SLC24A3: variants seen among roughly 807,000 people sequenced by gnomAD.
The protein encoded by SLC24A3 is sodium/potassium/calcium exchanger 3.
Under a neutral mutation model 75.8 loss-of-function variants are expected in SLC24A3, and 28 were observed. That is an observed-to-expected ratio of 0.37 (90% CI 0.27 to 0.51). SLC24A3 has a LOEUF of 0.51. Ranked by LOEUF, SLC24A3 falls within the 20% of genes least tolerant of loss-of-function variation. The pLI is 0.94. For missense variants in SLC24A3, 663 were observed against 847.8 expected, an observed-to-expected ratio of 0.78 and a Z score of 2.71; for synonymous variants, 372 against 334.1, an observed-to-expected ratio of 1.11 and a Z score of -1.24.
intron 2 of SLC24A3, among the ~76,000 whole-genome samples, chr20:19,325,795 T>TATATATATAGAGAGAGAG (rs1251419875): frequency 3.0e-5 from 2 of 67,796 alleles, no homozygotes; most frequent in East Asian, 6.3e-4. Flanking sequence ...TATATATATA[T>TATATATATAGAGAGAGAG]AGAGAGAGAG....
intron 2 of SLC24A3, among the ~76,000 whole-genome samples, chr20:19,443,606 T>C (rs944385068): frequency 1.2e-4 from 19 of 152,214 alleles, no homozygotes; most frequent in African/African-American, 4.1e-4. Context: ...TAGACAATTC[T>C]GAAACCTGTA....
At chr20:19,551,569 A>G (rs1028736936) in intron 3 of SLC24A3, among the ~76,000 whole-genome samples, 8 of 152,310 alleles carry the variant, frequency 5.3e-5, no homozygotes, top group Middle Eastern at 6.8e-3. Context: ...TGGAGTTGCT[A>G]TAACATGCCA....
chr20:19,562,669 T>A (rs1256560184), intron 3 of SLC24A3, among the ~76,000 whole-genome samples: 1 of 152,146 alleles, frequency 6.6e-6, no homozygotes, highest in African/African-American at 2.4e-5. Context: ...AAACCGAAGG[T>A]CAGAGTTTAA....
intron 6 of SLC24A3, among the ~76,000 whole-genome samples, chr20:19,587,904 C>T (rs2031321507): frequency 6.6e-6 from 1 of 152,132 alleles, no homozygotes; most frequent in South Asian, 2.1e-4. Context: ...GAATACGCAT[C>T]CCTGGGGTTC....
intron 2 of SLC24A3, among the ~76,000 whole-genome samples, chr20:19,339,569 G>T (rs549888115): frequency 3.3e-5 from 5 of 152,320 alleles, no homozygotes; most frequent in Non-Finnish European, 7.4e-5. Context: ...TTAAGTAAAT[G>T]CTGGAGTTGC....
intron 2 of SLC24A3, among the ~76,000 whole-genome samples, chr20:19,460,617 T>C (rs915394847): frequency 5.3e-5 from 8 of 152,130 alleles, no homozygotes; most frequent in Non-Finnish European, 1.2e-4. Flanking sequence ...ACCCAGGCAG[T>C]CCCCTGACTC....
intron 9 of SLC24A3, among the ~76,000 whole-genome samples, chr20:19,676,103 A>C (rs2032520090): frequency 6.6e-6 from 1 of 152,222 alleles, no homozygotes; most frequent in Admixed American, 6.5e-5. Context: ...GAATTCACTA[A>C]GGGCTTCAGA....
chr20:19,507,875 A>C (rs1199443645), intron 2 of SLC24A3, among the ~76,000 whole-genome samples: 1 of 152,192 alleles, frequency 6.6e-6, no homozygotes, highest in East Asian at 1.9e-4. Context: ...GGCCCTCTGC[A>C]TTCAGTCACA....
intron 6 of SLC24A3, among the ~76,000 whole-genome samples, chr20:19,592,394 T>C (rs1176580651): frequency 6.6e-6 from 1 of 152,210 alleles, no homozygotes; most frequent in Non-Finnish European, 1.5e-5. Flanking sequence ...TTTATTTCCA[T>C]AGCCAAATCA....
At chr20:19,518,965 C>T (rs567202351) in intron 3 of SLC24A3, among the ~76,000 whole-genome samples, 2 of 152,246 alleles carry the variant, frequency 1.3e-5, no homozygotes, top group South Asian at 4.1e-4. Context: ...CTGGGACTGC[C>T]TTATCCAGGC....
chr20:19,314,851 C>T (rs1203261233), intron 2 of SLC24A3, among the ~76,000 whole-genome samples: 3 of 152,178 alleles, frequency 2.0e-5, no homozygotes, highest in African/African-American at 4.8e-5. Flanking sequence ...CATGAGTTAC[C>T]GACTGTGGGC....
chr20:19,560,539 G>A (rs1035238525), intron 3 of SLC24A3, among the ~76,000 whole-genome samples: 13 of 152,156 alleles, frequency 8.5e-5, no homozygotes, highest in African/African-American at 2.9e-4. Context: ...GTCAGAAGTG[G>A]GCAGAAGGGT....
chr20:19,266,256 T>C (rs1983163081), intron 1 of SLC24A3, among the ~76,000 whole-genome samples: 1 of 152,222 alleles, frequency 6.6e-6, no homozygotes, highest in African/African-American at 2.4e-5. Context: ...ACATTTCTTA[T>C]TACTCTGTGA....
At chr20:19,702,602 T>C (rs2122152301) in intron 15 of SLC24A3, among the ~76,000 whole-genome samples, 1 of 141,370 alleles carries the variant, frequency 7.1e-6, no homozygotes, top group Admixed American at 7.5e-5. Context: ...ATCCAAATGC[T>C]GCTGTTTCTG....
At chr20:19,450,886 C>G (rs1047744808) in intron 2 of SLC24A3, among the ~76,000 whole-genome samples, 2 of 152,136 alleles carry the variant, frequency 1.3e-5, no homozygotes, top group African/African-American at 4.8e-5. Flanking sequence ...GTAGCCCCAG[C>G]TACTAAGGAG....
chr20:19,457,342 T>A (rs1987595677), intron 2 of SLC24A3, among the ~76,000 whole-genome samples: 1 of 152,150 alleles, frequency 6.6e-6, no homozygotes, highest in African/African-American at 2.4e-5. Context: ...AATGAAGGAA[T>A]TAGGTTGGGT....
At chr20:19,676,497 T>C (rs774832566) in intron 9 of SLC24A3, among the ~76,000 whole-genome samples, 18 of 152,212 alleles carry the variant, frequency 1.2e-4, no homozygotes, top group Non-Finnish European at 8.8e-5. Context: ...ATCAGAGGCT[T>C]TAATCATTGG....
intron 6 of SLC24A3, among the ~76,000 whole-genome samples, chr20:19,607,452 C>A (rs1203656653): frequency 1.3e-5 from 2 of 152,204 alleles, no homozygotes; most frequent in African/African-American, 4.8e-5. Flanking sequence ...GGTGCCAGAT[C>A]TTTCCAGCCC....
At chr20:19,359,041 T>C (rs970676514) in intron 2 of SLC24A3, among the ~76,000 whole-genome samples, 11 of 152,220 alleles carry the variant, frequency 7.2e-5, no homozygotes, top group African/African-American at 2.7e-4. Flanking sequence ...TTTGGGTGTT[T>C]CCACCTTATG....
Sources: gnomAD v4.1 joint callset for allele counts (sites outside exome capture counted in the v4.1 genomes callset) on GRCh38, gnomAD v4.1.1 for gene constraint, MANE v1.5 for transcripts, NCBI Gene and HGNC (gene_info 2026-07-23, HGNC 2026-07-21) for gene names.